The following USO1 variants were observed in gnomAD, a reference collection of about 807,000 sequenced individuals.
USO1 encodes USO1 vesicle transport factor, also known as general vesicular transport factor p115.
USO1 carries 57 observed loss-of-function variants against 124.5 expected under a neutral mutation model. The ratio of observed to expected loss-of-function variants is 0.46; its 90% CI spans 0.37 to 0.57. The LOEUF (loss-of-function observed/expected upper bound fraction) is 0.57. Ranked by LOEUF, USO1 falls within the 20% of genes least tolerant of loss-of-function variation. The pLI is 0.00. For synonymous variants in USO1, 369 were observed against 362.8 expected (o/e 1.02, Z -0.19); for missense variants, 900 against 1,040.6 (o/e 0.86, Z 1.86).
intron 12 of USO1, among the ~76,000 whole-genome samples, chr4:75,793,489 T>C (rs1227631915): frequency 6.6e-6 from 1 of 152,168 alleles, no homozygotes; most frequent in Admixed American, 6.5e-5. Flanking sequence ...CCAAGATAAC[T>C]TTCTCTCATT....
intron 3 of USO1, among the ~76,000 whole-genome samples, chr4:75,752,856 A>C (rs1000302190): frequency 2.0e-5 from 3 of 152,118 alleles, no homozygotes; most frequent in African/African-American, 7.2e-5. Context: ...AAAGCTGTTA[A>C]GTTTTTACTT....
chr4:75,773,504 T>C (rs1335451401), intron 7 of USO1, among the ~76,000 whole-genome samples: 3 of 152,222 alleles, frequency 2.0e-5, no homozygotes, highest in African/African-American at 7.2e-5. Flanking sequence ...TTGGCACAAC[T>C]AGTCAGTAGG....
At chr4:75,756,216 C>CA (rs1040328464) in intron 3 of USO1, among the ~76,000 whole-genome samples, 6 of 148,924 alleles carry the variant, frequency 4.0e-5, no homozygotes, top group Non-Finnish European at 5.9e-5. Context: ...AAGAGGAAGT[C>CA]AGAGTGTAGT....
intron 4 of USO1, among the ~76,000 whole-genome samples, chr4:75,763,306 A>G (rs1449213579): frequency 6.6e-6 from 1 of 152,214 alleles, no homozygotes; most frequent in African/African-American, 2.4e-5. Flanking sequence ...TGTGAAAGCA[A>G]TATACATTCA....
At chr4:75,725,672 T>C (rs1720411090) in intron 1 of USO1, among the ~76,000 whole-genome samples, 1 of 152,166 alleles carries the variant, frequency 6.6e-6, no homozygotes, top group East Asian at 1.9e-4. Context: ...GTTGCTTAGA[T>C]TCTAGGTTTA....
Position 75,724,677 on chromosome 4 carries a change from A to C in USO1, c.-143A>C. 1 of 762,244 alleles carries C rather than the reference A, an allele frequency of 1.3e-6. No individual in the cohort carries two copies. Among genetic ancestry groups the C allele is most frequent in the East Asian group, 3.0e-5 (1 of 33,708 alleles). 47.2% of individuals were successfully genotyped at this position (762,244 alleles called of 1,614,324 possible). ...GCTGTTTCCGGGCTTAGAGGGCTGG[A>C]GTGGCCGCCGAGTTGGAGGCGGTGG... On this transcript the variant is annotated 5_prime_UTR_variant, in exon 1 of 24. Transcript: ENST00000514213.
At chr4:75,744,712 G>A (rs896057686) in intron 1 of USO1, among the ~76,000 whole-genome samples, 1 of 152,194 alleles carries the variant, frequency 6.6e-6, no homozygotes, top group Non-Finnish European at 1.5e-5. Context: ...AAGCCACCGC[G>A]CCCAGCCCCT....
intron 23 of USO1, among the ~76,000 whole-genome samples, chr4:75,812,690 G>A (rs1056544575): frequency 6.6e-6 from 1 of 152,206 alleles, no homozygotes; most frequent in Non-Finnish European, 1.5e-5. Context: ...TTTCAGATTT[G>A]TGTGTAAAGA....
chr4:75,793,013 T>A (rs528538672), intron 12 of USO1, among the ~76,000 whole-genome samples: 71 of 152,294 alleles, frequency 4.7e-4, no homozygotes, highest in African/African-American at 1.7e-3. Context: ...AGTCTTTACA[T>A]ACCTGGCTTA....
intron 8 of USO1, among the ~76,000 whole-genome samples, chr4:75,781,924 A>T (rs1241798109): frequency 6.6e-6 from 1 of 152,194 alleles, no homozygotes; most frequent in Non-Finnish European, 1.5e-5. Flanking sequence ...AGTACTTGGT[A>T]AAGTAGAGAT....
At chr4:75,792,685 G>A (rs1409381440) in intron 12 of USO1, among the ~76,000 whole-genome samples, 1 of 151,974 alleles carries the variant, frequency 6.6e-6, no homozygotes, top group Non-Finnish European at 1.5e-5. Context: ...CAAACAGTGA[G>A]ACCCTGTCTC....
intron 8 of USO1, among the ~76,000 whole-genome samples, chr4:75,777,890 A>G (rs1269801919): frequency 6.6e-6 from 1 of 152,226 alleles, no homozygotes; most frequent in Non-Finnish European, 1.5e-5. Flanking sequence ...CATGAATATT[A>G]AAACACCTTT....
At chr4:75,766,946 C>G (rs768021840) in intron 4 of USO1, among the ~76,000 whole-genome samples, 7 of 152,198 alleles carry the variant, frequency 4.6e-5, no homozygotes, top group Non-Finnish European at 8.8e-5. Flanking sequence ...TTACCTCTAC[C>G]TGTGTTAGTA....
chr4:75,750,710 C>G (rs1291645714), intron 1 of USO1, among the ~76,000 whole-genome samples: 1 of 74,660 alleles, frequency 1.3e-5, no homozygotes, highest in Non-Finnish European at 3.4e-5. Context: ...GTCTCGATCT[C>G]TTGACTTTGT....
In USO1 at chr4:75,738,783, G is replaced by GTA. The variant is rs1254404153; in HGVS notation, c.67-13578_67-13577dup. ...GGTGAGAGTCACTGTGCCGGGCCAA[G>GTA]TATATATATATATTTTTTTATCCTT... is the stretch of plus-strand genomic sequence containing the variant. On this transcript the variant is annotated intron_variant, in intron 1 of 23. Coordinates refer to ENST00000514213, the MANE Select transcript of USO1 (RefSeq NM_003715.4). Among the ~76,000 whole-genome samples, 301 of 151,752 alleles carry GTA rather than the reference G, an allele frequency of 2.0e-3. 1 individual carries two copies. Among genetic ancestry groups the GTA allele is most frequent in the African/African-American group, 7.0e-3 (289 of 41,430 alleles).
intron 18 of USO1, 90 bp from the exon 19 acceptor site, chr4:75,805,050 T>C (rs1310220403): frequency 7.0e-7 from 1 of 1,432,984 alleles, no homozygotes; most frequent in East Asian, 2.5e-5. Context: ...AGTAATTGAA[T>C]GAAGAAAATT....
chr4:75,745,461 A>G, intron 1 of USO1: 1 of 443,036 alleles, frequency 2.3e-6, no homozygotes, highest in South Asian at 1.6e-5. Context: ...TCTGACTCAT[A>G]TTTCTCTACA....
At chr4:75,777,470 T>C (rs1722103086) in intron 8 of USO1, among the ~76,000 whole-genome samples, 1 of 152,194 alleles carries the variant, frequency 6.6e-6, no homozygotes, top group African/African-American at 2.4e-5. Context: ...ATCTAAAATA[T>C]ATTTAGAACT....
intron 7 of USO1, 81 bp downstream of exon 7, chr4:75,771,218 A>C: frequency 6.9e-7 from 1 of 1,448,608 alleles, no homozygotes; most frequent in Non-Finnish European, 9.2e-7. Flanking sequence ...GTTGAGTTTT[A>C]GGAAATTAGA....
Sources: gnomAD v4.1 joint callset for allele counts (sites outside exome capture counted in the v4.1 genomes callset) on GRCh38, gnomAD v4.1.1 for gene constraint, MANE v1.5 for transcripts, NCBI Gene and HGNC (gene_info 2026-07-23, HGNC 2026-07-21) for gene names.